ZFAND3: variants seen among roughly 807,000 people sequenced by gnomAD.
ZFAND3 encodes zinc finger AN1-type containing 3.
Under a neutral mutation model 29.6 loss-of-function variants are expected in ZFAND3, and 10 were observed. The observed-to-expected ratio is 0.34, with a 90% CI of 0.21 to 0.57. The LOEUF (loss-of-function observed/expected upper bound fraction) is 0.57. ZFAND3 is among the 20% of genes least tolerant of loss of function. ZFAND3 has a pLI of 0.86. For missense variants in ZFAND3, 230 were observed against 304.5 expected (o/e 0.76, Z 1.82); for synonymous variants, 128 against 112.6 (o/e 1.14, Z -0.87).
At chr6:37,903,005 A>G (rs943191609) in intron 1 of ZFAND3, among the ~76,000 whole-genome samples, 1 of 152,126 alleles carries the variant, frequency 6.6e-6, no homozygotes, top group Non-Finnish European at 1.5e-5. Flanking sequence ...AAATTGGCAA[A>G]GCATGTCAAG....
chr6:38,131,237 A>G (rs1437448435), intron 5 of ZFAND3, among the ~76,000 whole-genome samples: 1 of 151,948 alleles, frequency 6.6e-6, no homozygotes, highest in Non-Finnish European at 1.5e-5. Flanking sequence ...AATTTTATTT[A>G]TCTTTTCAAA....
chr6:37,850,962 T>G (rs1764269066), intron 1 of ZFAND3, among the ~76,000 whole-genome samples: 1 of 151,696 alleles, frequency 6.6e-6, no homozygotes. Flanking sequence ...TTTTCTTGGT[T>G]TTATCTGTCT....
At chr6:38,034,844 C>G (rs893274781) in intron 2 of ZFAND3, among the ~76,000 whole-genome samples, 1 of 152,124 alleles carries the variant, frequency 6.6e-6, no homozygotes, top group Non-Finnish European at 1.5e-5. Context: ...TAATTTGATA[C>G]ATACAATTGT....
intron 1 of ZFAND3, among the ~76,000 whole-genome samples, chr6:37,901,978 T>C (rs1765326792): frequency 1.3e-5 from 2 of 152,208 alleles, no homozygotes; most frequent in Non-Finnish European, 2.9e-5. Context: ...GTAACACTTG[T>C]AGCTGTTGAG....
chr6:37,830,848 A>C (rs1258220977), intron 1 of ZFAND3, among the ~76,000 whole-genome samples: 1 of 152,168 alleles, frequency 6.6e-6, no homozygotes, highest in Non-Finnish European at 1.5e-5. Context: ...CTTTTTTAAA[A>C]GATTTTACAG....
intron 5 of ZFAND3, among the ~76,000 whole-genome samples, chr6:38,151,297 T>C (rs908934207): frequency 6.6e-6 from 1 of 152,202 alleles, no homozygotes; most frequent in African/African-American, 2.4e-5. Flanking sequence ...TTTTCTCTTA[T>C]TTGCCAGACC....
At chr6:37,835,554 T>C (rs1441765235) in intron 1 of ZFAND3, among the ~76,000 whole-genome samples, 1 of 151,580 alleles carries the variant, frequency 6.6e-6, no homozygotes, top group Non-Finnish European at 1.5e-5. Flanking sequence ...TTATTTTAAA[T>C]CCTTTTTTAA....
At chr6:38,110,778 C>A (rs1765300456) in intron 4 of ZFAND3, among the ~76,000 whole-genome samples, 1 of 152,182 alleles carries the variant, frequency 6.6e-6, no homozygotes, top group South Asian at 2.1e-4. Flanking sequence ...CTCTTTGTTG[C>A]CGCATTGCTT....
chr6:37,870,505 A>C (rs1212940730), intron 1 of ZFAND3, among the ~76,000 whole-genome samples: 1 of 149,922 alleles, frequency 6.7e-6, no homozygotes, highest in Non-Finnish European at 1.5e-5. Flanking sequence ...AAGCTGAGGC[A>C]GGAGAATTGC....
intron 1 of ZFAND3, among the ~76,000 whole-genome samples, chr6:37,917,225 A>G (rs1581759521): frequency 6.6e-6 from 1 of 152,276 alleles, no homozygotes; most frequent in South Asian, 2.1e-4. Context: ...ATGGGGGACT[A>G]CTGTATATCA....
At chr6:38,010,661 G>A (rs9470745) in intron 2 of ZFAND3, among the ~76,000 whole-genome samples, 4,495 of 148,838 alleles carry the variant, frequency 0.03, 177 homozygotes, top group African/African-American at 0.087. Context: ...GTGCAATGGC[G>A]CAATCTCAGC....
At chr6:38,118,307 C>T (rs575442105) in intron 5 of ZFAND3, among the ~76,000 whole-genome samples, 15 of 152,276 alleles carry the variant, frequency 9.9e-5, no homozygotes, top group Admixed American at 3.3e-4. Flanking sequence ...TAACCAGCTT[C>T]GCTCCACTCT....
At chr6:37,906,622 T>G (rs1053018405) in intron 1 of ZFAND3, among the ~76,000 whole-genome samples, 1 of 152,128 alleles carries the variant, frequency 6.6e-6, no homozygotes, top group Non-Finnish European at 1.5e-5. Context: ...TTTTCCACAG[T>G]GGCTGCACCA....
intron 2 of ZFAND3, among the ~76,000 whole-genome samples, chr6:37,978,891 A>C (rs1242454387): frequency 6.6e-6 from 1 of 151,028 alleles, no homozygotes; most frequent in Admixed American, 6.6e-5. Context: ...CCAGCATTTT[A>C]TGCTTTTAAT....
At chr6:38,027,438 T>C (rs1763472225) in intron 2 of ZFAND3, among the ~76,000 whole-genome samples, 1 of 152,212 alleles carries the variant, frequency 6.6e-6, no homozygotes, top group Non-Finnish European at 1.5e-5. Context: ...CTTTTGTAGG[T>C]ATATTTTAGT....
intron 4 of ZFAND3, among the ~76,000 whole-genome samples, chr6:38,108,601 A>G (rs2127481240): frequency 6.6e-6 from 1 of 152,332 alleles, no homozygotes; most frequent in Non-Finnish European, 1.5e-5. Context: ...GAAAGAAGAA[A>G]GTGGACCAGA....
intron 3 of ZFAND3, among the ~76,000 whole-genome samples, chr6:38,080,717 A>G (rs1326857349): frequency 6.6e-6 from 1 of 152,096 alleles, no homozygotes; most frequent in East Asian, 1.9e-4. Flanking sequence ...AAAACAAAGA[A>G]CCCTTACATG....
chr6:37,890,595 TTATTAA>T (rs1765077794), intron 1 of ZFAND3, among the ~76,000 whole-genome samples: 1 of 152,260 alleles, frequency 6.6e-6, no homozygotes, highest in Non-Finnish European at 1.5e-5. Context: ...GTGGATATTA[TTATTAA>T]TAGTAAGTTT....
At chr6:37,888,197 C>G (rs973834987) in intron 1 of ZFAND3, among the ~76,000 whole-genome samples, 2 of 151,854 alleles carry the variant, frequency 1.3e-5, no homozygotes, top group African/African-American at 4.8e-5. Context: ...AAAATTTTTG[C>G]AGGTTTGATT....
Sources: allele counts gnomAD v4.1 joint callset (sites outside exome capture counted in the v4.1 genomes callset), GRCh38; gene constraint gnomAD v4.1.1; transcripts MANE v1.5; gene names NCBI Gene and HGNC (gene_info 2026-07-23, HGNC 2026-07-21).